CRLF3: variants seen among roughly 807,000 people sequenced by gnomAD.
CRLF3 encodes cytokine receptor-like factor 3.
In CRLF3, 33 loss-of-function variants were observed where a neutral mutation model predicts 55.0. The observed-to-expected ratio is 0.60, with a 90% confidence interval of 0.46 to 0.80. The LOEUF (loss-of-function observed/expected upper bound fraction) is 0.80. CRLF3 is among the 30% of genes least tolerant of loss of function. The pLI, the probability that CRLF3 is intolerant of heterozygous loss-of-function variation, is 0.00. For synonymous variants in CRLF3, 238 were observed against 196.8 expected (o/e 1.21, Z -1.75); for missense variants, 494 against 538.4 (o/e 0.92, Z 0.82).
rs1404476282 is a variant in CRLF3 at position 30,793,495 on chromosome 17, GACTCC to G, written c.776_780del (p.Trp259SerfsTer16). 6.2e-7 allele frequency: 1 copy of G among 1,613,986 alleles called. No homozygotes were observed. Among genetic ancestry groups the G allele is most frequent in the Non-Finnish European group, 8.5e-7 (1 of 1,180,026 alleles). On this transcript the variant is annotated frameshift_variant, in exon 5 of 8. Coordinates refer to ENST00000324238, the MANE Select transcript of CRLF3 (RefSeq NM_015986.4). LOFTEE classifies it high-confidence loss of function. Reference sequence around the variant, plus strand: ...TGACCTATCTGGGGGACACTCCAAGGACTCCACTCCTGTCGGCCATCTCCTCGGGC... The same window carrying G: ...TGACCTATCTGGGGGACACTCCAAGGACTCCTGTCGGCCATCTCCTCGGGC...
intron 5 of CRLF3, 40 bp from the exon 6 acceptor site, chr17:30,792,612 T>G: frequency 3.8e-6 from 6 of 1,570,174 alleles, no homozygotes; most frequent in Non-Finnish European, 5.2e-6. Flanking sequence ...TTAGAATCTC[T>G]TGAGGGATAT....
At chr17:30,796,826 C>A (rs1176669334) in intron 3 of CRLF3, among the ~76,000 whole-genome samples, 2 of 151,438 alleles carry the variant, frequency 1.3e-5, no homozygotes, top group South Asian at 4.2e-4. Context: ...CCGATTCAAG[C>A]GACTCTCTTG....
At chr17:30,807,947 T>G (rs1055933810) in intron 1 of CRLF3, among the ~76,000 whole-genome samples, 1 of 152,304 alleles carries the variant, frequency 6.6e-6, no homozygotes, top group Admixed American at 6.5e-5. Context: ...ACCAAAGAAT[T>G]TCTGTGAAAT....
intron 1 of CRLF3, among the ~76,000 whole-genome samples, chr17:30,818,152 C>T (rs1391832358): frequency 6.6e-6 from 1 of 151,570 alleles, no homozygotes; most frequent in African/African-American, 2.4e-5. Flanking sequence ...CCCAAGTACT[C>T]AGGAGGCTGA....
At chr17:30,786,369 G>A (rs1971648147) in intron 6 of CRLF3, 1 of 171,682 alleles carries the variant, frequency 5.8e-6, no homozygotes, top group African/African-American at 2.4e-5. Context: ...GTCCCAAGTA[G>A]CTAGGATTAC....
chr17:30,807,181 A>G (rs1251953985), intron 1 of CRLF3, among the ~76,000 whole-genome samples: 9 of 152,168 alleles, frequency 5.9e-5, no homozygotes, highest in Non-Finnish European at 1.3e-4. Flanking sequence ...CTTTCTAGAT[A>G]TTATTATCTT....
At chr17:30,809,077 T>C (rs939921944) in intron 1 of CRLF3, among the ~76,000 whole-genome samples, 1 of 152,214 alleles carries the variant, frequency 6.6e-6, no homozygotes, top group Non-Finnish European at 1.5e-5. Flanking sequence ...ACACAGGAAG[T>C]GCATTGGTTA....
intron 4 of CRLF3, among the ~76,000 whole-genome samples, chr17:30,794,817 CACA>C (rs1376960079): frequency 1.3e-5 from 2 of 151,958 alleles, no homozygotes; most frequent in Non-Finnish European, 2.9e-5. Flanking sequence ...TAAATAAAAC[CACA>C]ACAAGGTACA....
At chr17:30,811,117 A>G (rs537017987) in intron 1 of CRLF3, among the ~76,000 whole-genome samples, 2 of 152,108 alleles carry the variant, frequency 1.3e-5, no homozygotes, top group African/African-American at 4.8e-5. Flanking sequence ...AAAAAAGAAA[A>G]CCACATATAT....
Position 30,797,384 on chromosome 17 carries a change from G to A in CRLF3, c.352C>T (p.Leu118Phe), listed in dbSNP as rs1382308682. 3.1e-6 allele frequency: 5 copies of A among 1,613,414 alleles called. No homozygotes were observed. Among genetic ancestry groups the A allele is most frequent in the Non-Finnish European group, 4.2e-6 (5 of 1,179,558 alleles). ...TCATTCTCTTCTCCCACACCACCAA[G>A]CATGGCGATTTCACCTACAATCAAG... ...DLVREGEIAM[L>F]GGVGEENEKL... The change falls in exon 3 of 8, where the codon CTT (leucine) becomes TTT (phenylalanine). Residue 118 changes from leucine to phenylalanine, a missense_variant. Leu to Phe is a conservative substitution (Grantham distance 22). Transcript: ENST00000324238.
intron 6 of CRLF3, among the ~76,000 whole-genome samples, chr17:30,787,286 A>G (rs1328057952): frequency 2.0e-5 from 3 of 152,232 alleles, no homozygotes; most frequent in African/African-American, 7.2e-5. Context: ...AGAATTTGCA[A>G]TGATTTGATT....
intron 1 of CRLF3, among the ~76,000 whole-genome samples, 187 bp downstream of exon 1, chr17:30,824,335 TC>T (rs1905078318): frequency 6.7e-6 from 1 of 148,770 alleles, no homozygotes; most frequent in African/African-American, 2.5e-5. Context: ...CCCCAAAACT[TC>T]CCCTTACGAC....
At chr17:30,811,411 G>A (rs1904616203) in intron 1 of CRLF3, among the ~76,000 whole-genome samples, 1 of 151,612 alleles carries the variant, frequency 6.6e-6, no homozygotes, top group Non-Finnish European at 1.5e-5. Flanking sequence ...CCGAGATCAC[G>A]CCACTGTACT....
intron 2 of CRLF3, among the ~76,000 whole-genome samples, chr17:30,802,229 TCTC>T (rs1972017314): frequency 6.9e-6 from 1 of 144,586 alleles, no homozygotes; most frequent in African/African-American, 2.6e-5. Flanking sequence ...TTCAAGCAAT[TCTC>T]CTGCCTCAGC....
chr17:30,791,684 AT>A (rs1254766648), intron 6 of CRLF3, among the ~76,000 whole-genome samples: 2 of 146,726 alleles, frequency 1.4e-5, no homozygotes, highest in East Asian at 4.1e-4. Context: ...TGTCCGGCTA[AT>A]TTTTTTATTT....
chr17:30,787,274 T>C (rs1436369805), intron 6 of CRLF3, among the ~76,000 whole-genome samples: 1 of 152,218 alleles, frequency 6.6e-6, no homozygotes, highest in African/African-American at 2.4e-5. Context: ...ATCTTCCATA[T>C]AAGAATTTGC....
At position 30,792,419 on chromosome 17, in the gene CRLF3, GATGTTTTAATATCTACTTGCCTGA is replaced by G; in HGVS notation, c.956_959+20del. On this transcript the variant is annotated splice_donor_variant and splice_donor_5th_base_variant and coding_sequence_variant and intron_variant, in exon 6 of 8. Coordinates refer to ENST00000324238, the MANE Select transcript of CRLF3 (RefSeq NM_015986.4). LOFTEE classifies it high-confidence loss of function. ...TCACTCTGCTTCCTGAGGCAGGTGA[GATGTTTTAATATCTACTTGCCTGA>G]ATGTTAATGTCTGCCCACAGAAATA... is the stretch of plus-strand genomic sequence containing the variant. The G allele has an allele frequency of 1.9e-6, 3 of 1,593,740 alleles. No individual in the cohort carries two copies. The highest frequency in any genetic ancestry group is 2.6e-6 in the Non-Finnish European group (3 of 1,162,870).
intron 6 of CRLF3, 149 bp downstream of exon 6, chr17:30,792,291 A>G: frequency 1.6e-6 from 1 of 609,534 alleles, no homozygotes; most frequent in Non-Finnish European, 2.8e-6. Context: ...AGAAAACTAC[A>G]GCTACAGGAA....
At chr17:30,816,488 C>CTTTTTTT (rs1183953028) in intron 1 of CRLF3, among the ~76,000 whole-genome samples, 1 of 117,488 alleles carries the variant, frequency 8.5e-6, no homozygotes. Context: ...TTCTTTCTTT[C>CTTTTTTT]TTTTTTTTTT....
Sources: allele counts gnomAD v4.1 joint callset (sites outside exome capture counted in the v4.1 genomes callset), GRCh38; gene constraint gnomAD v4.1.1; transcripts MANE v1.5; gene names NCBI Gene and HGNC (gene_info 2026-07-23, HGNC 2026-07-21).